Variants in SASH1 observed in about 807,000 individuals in gnomAD.
SASH1 encodes the protein SAM and SH3 domain containing 1.
SASH1 carries 44 observed loss-of-function variants against 125.2 expected under a neutral mutation model. The ratio of observed to expected loss-of-function variants is 0.35; its 90% CI spans 0.28 to 0.45. The LOEUF is 0.45. Among genes scored for constraint, SASH1 ranks in the 20% least tolerant of loss-of-function variants. SASH1 has a pLI of 1.00. For missense variants in SASH1, 1,426 were observed against 1,614.5 expected, an observed-to-expected ratio of 0.88 and a Z score of 2.00; for synonymous variants, 639 against 649.1, an observed-to-expected ratio of 0.98 and a Z score of 0.24.
At chr6:148,541,164 T>C (rs1782193371) in intron 17 of SASH1, among the ~76,000 whole-genome samples, 1 of 151,878 alleles carries the variant, frequency 6.6e-6, no homozygotes, top group Admixed American at 6.6e-5. Flanking sequence ...TGTAGCAAGA[T>C]GAGAAACAGT....
At chr6:148,349,257 T>A (rs1475713958) in intron 1 of SASH1, among the ~76,000 whole-genome samples, 2 of 115,048 alleles carry the variant, frequency 1.7e-5, no homozygotes, top group Non-Finnish European at 3.5e-5. Flanking sequence ...TCTTTCTTTT[T>A]TTTTTTTTTT....
chr6:148,507,547 T>C (rs1779870056), intron 8 of SASH1, among the ~76,000 whole-genome samples: 1 of 152,100 alleles, frequency 6.6e-6, no homozygotes, highest in Non-Finnish European at 1.5e-5. Context: ...AGTTTTGTAG[T>C]TTTAGTAGAG....
Position 148,523,638 on chromosome 6 carries a change from C to G in SASH1, c.1210-1653C>G, listed in dbSNP as rs1434523549. Among the ~76,000 whole-genome samples the G allele has an allele frequency of 2.0e-5, 3 of 152,302 alleles. No individual in the cohort carries two copies. The East Asian group carries it at 5.8e-4, about 29-fold the overall frequency. ...AGTTGTCACGAAATGCTTTCCTTAT[C>G]TCCTGGCCCTCTCCAGACCCCAATG... On this transcript the variant is annotated intron_variant, in intron 10 of 19. Coordinates refer to ENST00000367467, the MANE Select transcript of SASH1 (RefSeq NM_015278.5).
At chr6:148,299,623 C>T (rs1779879633) in intron 1 of SASH1, among the ~76,000 whole-genome samples, 1 of 149,570 alleles carries the variant, frequency 6.7e-6, no homozygotes, top group African/African-American at 2.5e-5. Context: ...ACCGAGATCA[C>T]GCCACTCACT....
chr6:148,218,237 T>A, the SASH1 span, among the ~76,000 whole-genome samples: 3 of 148,464 alleles, frequency 2.0e-5, no homozygotes, highest in East Asian at 2.0e-4. Flanking sequence ...GAAAAAAAAA[T>A]AAAAAAACTT....
chr6:148,382,311 T>G (rs1327749158), intron 1 of SASH1, among the ~76,000 whole-genome samples: 2 of 152,040 alleles, frequency 1.3e-5, no homozygotes, highest in Non-Finnish European at 2.9e-5. Context: ...GTGAAGAGTG[T>G]GACGGTCTCG....
chr6:148,317,608 G>A (rs1780514486), intron 1 of SASH1, among the ~76,000 whole-genome samples: 1 of 152,104 alleles, frequency 6.6e-6, no homozygotes, highest in Non-Finnish European at 1.5e-5. Flanking sequence ...TGTATTTTTA[G>A]TAGAGACGGG....
chr6:148,252,484 CT>C, the SASH1 span, among the ~76,000 whole-genome samples: 135 of 142,286 alleles, frequency 9.5e-4, no homozygotes, highest in Non-Finnish European at 7.1e-4. Flanking sequence ...GGTTTTTTTT[CT>C]TTTTTTTTTT....
the SASH1 span, among the ~76,000 whole-genome samples, chr6:148,264,418 A>G: frequency 6.6e-6 from 1 of 152,222 alleles, no homozygotes; most frequent in East Asian, 1.9e-4. Flanking sequence ...TATTGTCTTC[A>G]GTATCTTCCA....
the SASH1 span, among the ~76,000 whole-genome samples, chr6:148,208,272 C>CT: frequency 6.6e-6 from 1 of 152,190 alleles, no homozygotes; most frequent in African/African-American, 2.4e-5. Context: ...CAGTGCGATG[C>CT]TAAGGGAAGT....
intron 4 of SASH1, among the ~76,000 whole-genome samples, chr6:148,451,923 C>T (rs1017473442): frequency 5.3e-5 from 8 of 152,084 alleles, no homozygotes; most frequent in African/African-American, 1.9e-4. Flanking sequence ...TGTTTTCCCC[C>T]AGGGAGCATG....
At chr6:148,269,827 C>T (rs1779021806), upstream of SASH1, among the ~76,000 whole-genome samples, 1 of 152,094 alleles carries the variant, frequency 6.6e-6, no homozygotes, top group Non-Finnish European at 1.5e-5. Flanking sequence ...CCTGTATCCT[C>T]AAATCATAGC....
chr6:148,416,592 A>G (rs917706482), intron 2 of SASH1, among the ~76,000 whole-genome samples: 2 of 152,220 alleles, frequency 1.3e-5, no homozygotes, highest in Non-Finnish European at 2.9e-5. Context: ...GACAGGTGGC[A>G]GACCCCTCAG....
chr6:148,208,989 T>C, the SASH1 span, among the ~76,000 whole-genome samples: 4 of 152,216 alleles, frequency 2.6e-5, 1 homozygote, highest in Non-Finnish European at 5.9e-5. Context: ...GGCATCGATA[T>C]TGAACACTTA....
intron 2 of SASH1, among the ~76,000 whole-genome samples, chr6:148,434,276 C>T (rs1174330637): frequency 1.3e-5 from 2 of 151,896 alleles, no homozygotes; most frequent in Admixed American, 1.3e-4. Context: ...GGGGTTTCAC[C>T]GTGTTAGCCA....
chr6:148,308,238 A>G, intron 1 of SASH1, among the ~76,000 whole-genome samples: 1 of 151,730 alleles, frequency 6.6e-6, no homozygotes, highest in Non-Finnish European at 1.5e-5. Flanking sequence ...AAATTTAATA[A>G]TGGTGTTTTG....
intron 1 of SASH1, among the ~76,000 whole-genome samples, chr6:148,382,959 C>T (rs991993864): frequency 6.6e-6 from 1 of 152,200 alleles, no homozygotes; most frequent in Non-Finnish European, 1.5e-5. Flanking sequence ...AAAACTTTTT[C>T]CTGAGACAAA....
At chr6:148,291,775 A>G (rs1427245284) in intron 1 of SASH1, among the ~76,000 whole-genome samples, 1 of 152,136 alleles carries the variant, frequency 6.6e-6, no homozygotes, top group Non-Finnish European at 1.5e-5. Flanking sequence ...GAAAACCAAA[A>G]ATAAAAAATA....
intron 1 of SASH1, among the ~76,000 whole-genome samples, chr6:148,360,758 C>T (rs1345042661): frequency 1.3e-5 from 2 of 152,078 alleles, no homozygotes; most frequent in Non-Finnish European, 2.9e-5. Flanking sequence ...GGAGCATGGA[C>T]TATGTGTTAA....
Sources: gnomAD v4.1 joint callset for allele counts (sites outside exome capture counted in the v4.1 genomes callset) on GRCh38, gnomAD v4.1.1 for gene constraint, MANE v1.5 for transcripts, NCBI Gene and HGNC (gene_info 2026-07-23, HGNC 2026-07-21) for gene names.